GALNT13: variants seen among roughly 807,000 people sequenced by gnomAD.
GALNT13 encodes the protein UDP-GalNAc:polypeptide N-acetylgalactosaminyltransferase 13.
A neutral mutation model predicts 64.2 loss-of-function variants in GALNT13; 28 were observed. That is an observed-to-expected ratio of 0.44 (90% CI 0.32 to 0.60). The LOEUF (loss-of-function observed/expected upper bound fraction) is 0.60, where lower values mean the gene tolerates loss of function less well. Among genes scored for constraint, GALNT13 ranks in the 20% least tolerant of loss-of-function variants. GALNT13 has a pLI of 0.05. For synonymous variants in GALNT13, 214 were observed against 224.6 expected (o/e 0.95, Z 0.42); for missense variants, 577 against 669.8 (o/e 0.86, Z 1.53).
At chr2:153,488,121 C>G in the GALNT13 span, among the ~76,000 whole-genome samples, 1 of 152,190 alleles carries the variant, frequency 6.6e-6, no homozygotes, top group Non-Finnish European at 1.5e-5. Context: ...TTGTAATTCA[C>G]TGACAGCAGC....
intron 11 of GALNT13, among the ~76,000 whole-genome samples, chr2:154,423,108 T>C (rs1428374494): frequency 7.7e-6 from 1 of 130,208 alleles, no homozygotes; most frequent in East Asian, 2.7e-4. Flanking sequence ...TTCCCTGCCC[T>C]GTGTCCAAGT....
At chr2:153,186,111 C>T in the GALNT13 span, among the ~76,000 whole-genome samples, 2 of 151,952 alleles carry the variant, frequency 1.3e-5, no homozygotes, top group African/African-American at 4.8e-5. Flanking sequence ...TTGTAGGTCT[C>T]TAAGAATTTC....
the GALNT13 span, among the ~76,000 whole-genome samples, chr2:153,768,716 A>G: frequency 6.6e-6 from 1 of 152,088 alleles, no homozygotes; most frequent in African/African-American, 2.4e-5. Flanking sequence ...AATACAAAAA[A>G]TTAGTTAGGC....
the GALNT13 span, among the ~76,000 whole-genome samples, chr2:153,788,259 G>C: frequency 6.6e-6 from 1 of 152,112 alleles, no homozygotes; most frequent in African/African-American, 2.4e-5. Flanking sequence ...CAGAAACCCT[G>C]TAAGACCGAA....
chr2:153,506,394 C>T, the GALNT13 span, among the ~76,000 whole-genome samples: 1 of 151,906 alleles, frequency 6.6e-6, no homozygotes, highest in East Asian at 1.9e-4. Flanking sequence ...CTATTTATTG[C>T]CTGAATACCT....
the GALNT13 span, among the ~76,000 whole-genome samples, chr2:153,329,440 T>G: frequency 0.6 from 91,804 of 151,948 alleles, 28,704 homozygotes; most frequent in Non-Finnish European, 0.67. Context: ...TGGTATCTAT[T>G]GCTTTTTGAC....
At chr2:153,818,545 G>A in the GALNT13 span, among the ~76,000 whole-genome samples, 1 of 152,198 alleles carries the variant, frequency 6.6e-6, no homozygotes, top group Admixed American at 6.5e-5. Flanking sequence ...AGGGCTCGTA[G>A]GCTTGGGGTC....
At chr2:154,310,028 A>C (rs897077662) in intron 9 of GALNT13, among the ~76,000 whole-genome samples, 1 of 152,134 alleles carries the variant, frequency 6.6e-6, no homozygotes, top group East Asian at 1.9e-4. Flanking sequence ...CAAGCTTAAC[A>C]TGCTCCCTTT....
At chr2:153,470,907 C>A in the GALNT13 span, among the ~76,000 whole-genome samples, 1 of 152,146 alleles carries the variant, frequency 6.6e-6, no homozygotes, top group Non-Finnish European at 1.5e-5. Context: ...GAATAAAACA[C>A]TTGTTCCTGA....
intron 3 of GALNT13, among the ~76,000 whole-genome samples, chr2:154,097,239 A>G (rs896213964): frequency 2.6e-5 from 4 of 152,042 alleles, no homozygotes; most frequent in African/African-American, 9.7e-5. Flanking sequence ...GACCAGGAAC[A>G]TCTCTGTCCT....
chr2:153,429,444 G>A, the GALNT13 span, among the ~76,000 whole-genome samples: 1 of 152,094 alleles, frequency 6.6e-6, no homozygotes, highest in Non-Finnish European at 1.5e-5. Context: ...TGTTTTATGA[G>A]TTGGGAGTTC....
chr2:153,532,359 C>G, the GALNT13 span, among the ~76,000 whole-genome samples: 1 of 152,090 alleles, frequency 6.6e-6, no homozygotes, highest in Non-Finnish European at 1.5e-5. Flanking sequence ...ATCTGGGATG[C>G]AGGAAGCTGT....
At chr2:153,399,491 T>C in the GALNT13 span, among the ~76,000 whole-genome samples, 12 of 152,234 alleles carry the variant, frequency 7.9e-5, no homozygotes, top group African/African-American at 2.9e-4. Flanking sequence ...GGGGATGGCA[T>C]TGAATCTGTA....
At chr2:153,650,393 A>T in the GALNT13 span, among the ~76,000 whole-genome samples, 2 of 144,148 alleles carry the variant, frequency 1.4e-5, no homozygotes, top group South Asian at 2.2e-4. Flanking sequence ...AATACAGCAC[A>T]CTGGTGGATC....
chr2:153,546,232 T>G, the GALNT13 span, among the ~76,000 whole-genome samples: 1 of 152,198 alleles, frequency 6.6e-6, no homozygotes, highest in Non-Finnish European at 1.5e-5. Context: ...AATTGATAAG[T>G]AATTATTTGC....
chr2:154,085,318 T>C (rs923325552), intron 3 of GALNT13, among the ~76,000 whole-genome samples: 1 of 152,028 alleles, frequency 6.6e-6, no homozygotes, highest in African/African-American at 2.4e-5. Flanking sequence ...ACCTATGAGT[T>C]TTAATAGAAG....
chr2:153,631,748 T>G, the GALNT13 span, among the ~76,000 whole-genome samples: 14 of 152,302 alleles, frequency 9.2e-5, no homozygotes, highest in Non-Finnish European at 1.5e-5. Flanking sequence ...GTTCTCCCAT[T>G]CTGTAGGTTG....
chr2:154,218,995 G>A (rs986711995), intron 4 of GALNT13, among the ~76,000 whole-genome samples: 13 of 151,414 alleles, frequency 8.6e-5, no homozygotes, highest in Non-Finnish European at 4.4e-5. Flanking sequence ...TTCCTCATTG[G>A]GTATCTCTTA....
chr2:154,106,718 T>A (rs1702636281), intron 3 of GALNT13, among the ~76,000 whole-genome samples: 1 of 152,014 alleles, frequency 6.6e-6, no homozygotes, highest in Non-Finnish European at 1.5e-5. Flanking sequence ...ATGTAATCAT[T>A]TTTAAATTTC....
Sources: gnomAD v4.1 joint callset for allele counts (sites outside exome capture counted in the v4.1 genomes callset) on GRCh38, gnomAD v4.1.1 for gene constraint, MANE v1.5 for transcripts, NCBI Gene and HGNC (gene_info 2026-07-23, HGNC 2026-07-21) for gene names.